Variants in USP24 observed in about 807,000 individuals in gnomAD.
USP24 encodes ubiquitin carboxyl-terminal hydrolase 24.
USP24 carries 97 observed loss-of-function variants against 361.6 expected under a neutral mutation model. The ratio of observed to expected loss-of-function variants is 0.27; its 90% CI spans 0.23 to 0.32. The LOEUF (loss-of-function observed/expected upper bound fraction) is 0.32, where lower values mean the gene tolerates loss of function less well. Among genes scored for constraint, USP24 ranks in the 10% least tolerant of loss-of-function variants. The probability of loss-of-function intolerance (pLI) is 1.00; values close to 1 mark genes in which losing one functional copy is unlikely to be tolerated. For synonymous variants in USP24, 1,098 were observed against 1,124.6 expected, an observed-to-expected ratio of 0.98 and a Z score of 0.47; for missense variants, 2,353 against 3,165.6, an observed-to-expected ratio of 0.74 and a Z score of 6.16.
intron 36 of USP24, among the ~76,000 whole-genome samples, chr1:55,122,524 C>T (rs147386802): frequency 1.2e-3 from 180 of 152,252 alleles, no homozygotes; most frequent in African/African-American, 4.2e-3. Context: ...AAGGTCCACC[C>T]TGGTTGCTGA....
intron 43 of USP24, among the ~76,000 whole-genome samples, 183 bp from the exon 44 acceptor site, chr1:55,101,147 T>C (rs543037928): frequency 1.3e-5 from 2 of 152,338 alleles, no homozygotes; most frequent in South Asian, 4.1e-4. Flanking sequence ...GAAAAAATCA[T>C]GTCCTTAAAC....
intron 12 of USP24, among the ~76,000 whole-genome samples, chr1:55,154,994 A>G (rs1647484470): frequency 1.3e-5 from 2 of 152,006 alleles, no homozygotes; most frequent in African/African-American, 2.4e-5. Flanking sequence ...AGAAGCATTA[A>G]TTCTTTAAAC....
At chr1:55,205,684 C>T (rs1371393235) in intron 1 of USP24, among the ~76,000 whole-genome samples, 2 of 152,106 alleles carry the variant, frequency 1.3e-5, no homozygotes, top group Non-Finnish European at 2.9e-5. Context: ...TTATGCAAAA[C>T]TTTAATCTTT....
At position 55,148,580 on chromosome 1, in the gene USP24, A is replaced by G; in HGVS notation, c.1861-10T>C. The stretch of plus-strand genomic sequence containing the variant: ...TATTAAGCTGAGATGACTAGAGTTA[A>G]AAAGAAGTTACATTAATTAAATTTA... On this transcript the variant is annotated splice_polypyrimidine_tract_variant and intron_variant, in intron 16 of 67. Transcript: ENST00000294383. 6.5e-7 allele frequency: 1 copy of G among 1,529,760 alleles called. No homozygotes were observed. The highest frequency in any genetic ancestry group is 8.8e-7 in the Non-Finnish European group (1 of 1,132,490). The allele number at this position is 1,529,760 out of a possible 1,614,324, so 94.8% of individuals were successfully genotyped here. A position where few individuals can be genotyped will look rare whatever the true frequency, so the allele number is the denominator to read the frequency against.
Position 55,215,263 on chromosome 1 carries a change from G to A in USP24, c.-150C>T. The A allele has an allele frequency of 1.7e-6, 1 of 578,152 alleles. No homozygotes were observed. The highest frequency in any genetic ancestry group is 2.4e-6 in the Non-Finnish European group (1 of 409,390). The allele number at this position is 578,152 out of a possible 1,614,324, so 35.8% of individuals were successfully genotyped here. A position where few individuals can be genotyped will look rare whatever the true frequency, so the allele number is the denominator to read the frequency against. On this transcript the variant is annotated 5_prime_UTR_variant, in exon 1 of 68. Coordinates refer to ENST00000294383, the MANE Select transcript of USP24 (RefSeq NM_015306.3). ...GGGTGCTCCGCAGCAGCCGGGCCAG[G>A]CTGGGTGCGGGCTTGGGTCCTGCGA...
chr1:55,093,741 T>C (rs1427594303), intron 52 of USP24, 196 bp downstream of exon 52: 4 of 615,276 alleles, frequency 6.5e-6, no homozygotes, highest in Non-Finnish European at 1.1e-5. Context: ...GTATTCATAC[T>C]TGTGTTCTTA....
At chr1:55,137,755 T>C in intron 27 of USP24, 51 bp downstream of exon 27, 8 of 1,545,522 alleles carry the variant, frequency 5.2e-6, no homozygotes, top group Admixed American at 2.0e-5. Flanking sequence ...TCAGGCTAAA[T>C]ATTTATATTA....
chr1:55,159,810 G>T, intron 8 of USP24, 125 bp from the exon 9 acceptor site: 1 of 820,108 alleles, frequency 1.2e-6, no homozygotes, highest in East Asian at 2.7e-5. Flanking sequence ...TTTCATATCA[G>T]AGCAGCTACT....
At chr1:55,070,729 A>G (rs1224011854) in intron 67 of USP24, among the ~76,000 whole-genome samples, 1 of 149,666 alleles carries the variant, frequency 6.7e-6, no homozygotes, top group Non-Finnish European at 1.5e-5. Flanking sequence ...AGGCTTTGAC[A>G]GGGCAGAAGA....
At position 55,125,744 on chromosome 1, in the gene USP24, A is replaced by T; in HGVS notation, c.3650T>A (p.Val1217Asp). Residue 1217 changes from valine to aspartate, a missense_variant, in exon 33 of 68, where the codon GTC becomes GAC. This residue lies in a region of USP24 where 949 missense variants were observed against 1,280.5 expected (regional missense o/e 0.74). Transcript: ENST00000294383. ...KAGGLSLVVN[V>D]MQRDSIPSEV... is the part of the protein sequence containing the mutation. ...TGATGGGATGGAGTCTCTCTGCATG[A>T]CATTTACAACCAAACTTCAAAAAGA... is the stretch of plus-strand genomic sequence containing the variant. The T allele has an allele frequency of 1.3e-6, 2 of 1,582,422 alleles. No homozygotes were observed. The highest frequency in any genetic ancestry group is 8.6e-7 in the Non-Finnish European group (1 of 1,163,096).
rs374894707 is a variant in USP24 at position 55,132,687 on chromosome 1, G to C, written c.3395C>G (p.Ser1132Cys). 3.7e-6 allele frequency: 6 copies of C among 1,613,044 alleles called. No individual in the cohort carries two copies. In the East Asian group the frequency reaches 6.7e-5, roughly 18 times the overall value. ...TTTTGAGGACTGAGAACTTGATTCA[G>C]ACAGCAATGTTTTCTAAGTTTAAGA... ...DSLGRKKTLLSESSSQSSKSP... is the reference protein window; with the variant it reads ...DSLGRKKTLLCESSSQSSKSP... The change falls in exon 31 of 68, where the codon TCT becomes TGT. Residue 1132 changes from serine (S) to cysteine (C), a missense_variant. Transcript: ENST00000294383.
At chr1:55,150,560 C>T (rs1032753904) in intron 16 of USP24, among the ~76,000 whole-genome samples, 4 of 152,048 alleles carry the variant, frequency 2.6e-5, no homozygotes, top group Non-Finnish European at 4.4e-5. Context: ...AAAATTGGGA[C>T]ATAAATATGA....
rs116501042 is a variant in USP24 at position 55,131,046 on chromosome 1, T to C, written c.3538-1472A>G. ...GATAGTTGATGACAAGCTAGACCCATTGTTGGACCATTCTGTTTTTCTATT... is the reference window on the plus strand; with the variant it reads ...GATAGTTGATGACAAGCTAGACCCACTGTTGGACCATTCTGTTTTTCTATT... On this transcript the variant is annotated intron_variant, in intron 31 of 67. Transcript: ENST00000294383. 7.6e-3 allele frequency among the ~76,000 whole-genome samples: 1,164 copies of C among 152,292 alleles called. 12 individuals are homozygous for C. Among genetic ancestry groups the C allele is most frequent in the African/African-American group, 0.027 (1,128 of 41,544 alleles).
chr1:55,120,231 G>A (rs912563759), intron 38 of USP24, among the ~76,000 whole-genome samples: 1 of 152,158 alleles, frequency 6.6e-6, no homozygotes, highest in East Asian at 1.9e-4. Flanking sequence ...GCTACCTCTA[G>A]ACACGGAGCT....
rs191423499 is a variant in USP24 at position 55,156,272 on chromosome 1, G to A, written c.1446+676C>T. On this transcript the variant is annotated intron_variant, in intron 12 of 67. Transcript: ENST00000294383. ...GAGCTCCAAGAAGAGATCTGAATTA[G>A]AGATTTAATTCAGAGTCAACAGCAT... Among the ~76,000 whole-genome samples, 716 of 152,236 alleles carry A rather than the reference G, an allele frequency of 4.7e-3. 2 individuals carry two copies. The highest frequency in any genetic ancestry group is 0.016 in the African/African-American group (656 of 41,530).
intron 41 of USP24, among the ~76,000 whole-genome samples, chr1:55,104,227 G>C (rs912861210): frequency 4.6e-5 from 7 of 152,116 alleles, no homozygotes; most frequent in Non-Finnish European, 1.0e-4. Context: ...TGATAAAGTA[G>C]TAAAATTCTT....
At chr1:55,079,950 G>C (rs1645116041) in intron 59 of USP24, among the ~76,000 whole-genome samples, 1 of 152,054 alleles carries the variant, frequency 6.6e-6, no homozygotes, top group Admixed American at 6.6e-5. Context: ...CAAACACACT[G>C]AGTACTCACA....
Position 55,097,957 on chromosome 1 carries a change from T to G in USP24, c.5581A>C (p.Lys1861Gln). Residue 1861 changes from lysine (K) to glutamine (Q), a missense_variant, in exon 47 of 68, where the codon AAG becomes CAG. Around this residue, in one of 8 missense-constraint regions of USP24, gnomAD observed 105 missense variants for 200.3 expected, o/e 0.52. Coordinates refer to ENST00000294383, the MANE Select transcript of USP24 (RefSeq NM_015306.3). The part of the protein sequence containing the change: ...LEGSNAYYCE[K>Q]CKEKRITVKR... ...AAACATAATACCTTTTCTTTACACTTTTCACAGTAGTACGCATTACTTCCT... is the reference window on the plus strand; with the variant it reads ...AAACATAATACCTTTTCTTTACACTGTTCACAGTAGTACGCATTACTTCCT... 6.2e-7 allele frequency: 1 copy of G among 1,601,174 alleles called. No individual in the cohort carries two copies. Among genetic ancestry groups the G allele is most frequent in the Non-Finnish European group, 8.5e-7 (1 of 1,176,638 alleles).
In USP24 at chr1:55,150,321, T is replaced by C. The variant is rs567414773; in HGVS notation, c.1861-1751A>G. 3.3e-5 allele frequency among the ~76,000 whole-genome samples: 5 copies of C among 152,344 alleles called. No individual in the cohort carries two copies. The East Asian group carries it at 5.8e-4, about 18-fold the overall frequency. On this transcript the variant is annotated intron_variant, in intron 16 of 67. Transcript: ENST00000294383. ...ATTAAGAATCTAAACCAATGGTCCA[T>C]AACTGCAAAACGGACAGTTTCTTTT...
Sources: allele counts gnomAD v4.1 joint callset (sites outside exome capture counted in the v4.1 genomes callset), GRCh38; gene constraint gnomAD v4.1.1; regional missense constraint gnomAD v4.1.1; transcripts MANE v1.5; gene names NCBI Gene and HGNC (gene_info 2026-07-23, HGNC 2026-07-21).